ERBB4: variants seen among roughly 807,000 people sequenced by gnomAD.
The protein encoded by ERBB4 is erb-b2 receptor tyrosine kinase 4, also known as receptor tyrosine-protein kinase erbB-4.
A neutral mutation model predicts 158.0 loss-of-function variants in ERBB4; 42 were observed. That is an observed-to-expected ratio of 0.27 (90% CI 0.21 to 0.34). The LOEUF is 0.34. ERBB4 is among the 10% of genes least tolerant of loss of function. The pLI, the probability that ERBB4 is intolerant of heterozygous loss-of-function variation, is 1.00. For missense variants in ERBB4, 1,333 were observed against 1,624.1 expected (o/e 0.82, Z 3.08); for synonymous variants, 583 against 558.7 (o/e 1.04, Z -0.61).
At chr2:211,574,631 G>A (rs964591466) in intron 19 of ERBB4, among the ~76,000 whole-genome samples, 8 of 152,192 alleles carry the variant, frequency 5.3e-5, no homozygotes, top group Admixed American at 6.5e-5. Context: ...TTCTCATGAA[G>A]AGGATACTGT....
chr2:212,271,641 T>C (rs16848137), intron 1 of ERBB4, among the ~76,000 whole-genome samples: 40,346 of 151,776 alleles, frequency 0.27, 6,990 homozygotes, highest in African/African-American at 0.5. Context: ...ATTGTCAATG[T>C]ATCTTTCTTG....
intron 1 of ERBB4, 149 bp from the exon 2 acceptor site, chr2:212,125,052 A>C: frequency 2.4e-6 from 2 of 838,858 alleles, no homozygotes; most frequent in South Asian, 3.1e-5. Flanking sequence ...GCATAGACCC[A>C]CGCACTGATG....
At chr2:211,468,328 A>T (rs555088215) in intron 20 of ERBB4, among the ~76,000 whole-genome samples, 1 of 152,278 alleles carries the variant, frequency 6.6e-6, no homozygotes, top group Non-Finnish European at 1.5e-5. Flanking sequence ...ATGTTGTGTT[A>T]AGAGAAGATA....
intron 1 of ERBB4, among the ~76,000 whole-genome samples, chr2:212,191,578 T>C (rs1332580772): frequency 1.5e-5 from 1 of 68,386 alleles, no homozygotes; most frequent in African/African-American, 4.3e-5. Flanking sequence ...ACATGTGTTA[T>C]GCCTGTTATA....
intron 20 of ERBB4, among the ~76,000 whole-genome samples, chr2:211,557,484 G>A (rs187529361): frequency 7.0e-4 from 107 of 151,954 alleles, no homozygotes; most frequent in African/African-American, 2.2e-3. Flanking sequence ...AAAAGAAGTC[G>A]TACACGCAAC....
In ERBB4 at chr2:211,702,112, C is replaced by A; in HGVS notation, c.1344G>T (p.Gln448His). The change falls in exon 12 of 28, where the codon CAG (glutamine) becomes CAT (histidine). Residue 448 changes from glutamine (Q) to histidine (H), a missense_variant. Gln to His is a conservative substitution (Grantham distance 24, BLOSUM62 0). Around this residue, in one of 5 missense-constraint regions of ERBB4, gnomAD observed 438 missense variants for 586.9 expected, o/e 0.75. Coordinates refer to ENST00000342788, the MANE Select transcript of ERBB4 (RefSeq NM_005235.3). The part of the protein sequence containing the change: ...KQQGITSLQF[Q>H]SLKEISAGNI... ...TTCCTGCGCTGATTTCCTTCAGGGACTGGAACTGTAGAGAGGTGATGCCCT... is the reference window on the plus strand; with the variant it reads ...TTCCTGCGCTGATTTCCTTCAGGGAATGGAACTGTAGAGAGGTGATGCCCT... The A allele has an allele frequency of 6.2e-7, 1 of 1,614,062 alleles. No homozygotes were observed. The highest frequency in any genetic ancestry group is 8.5e-7 in the Non-Finnish European group (1 of 1,180,000).
intron 12 of ERBB4, among the ~76,000 whole-genome samples, chr2:211,691,242 T>C (rs2072803034): frequency 6.6e-6 from 1 of 152,174 alleles, no homozygotes; most frequent in Non-Finnish European, 1.5e-5. Flanking sequence ...ATTACTTACA[T>C]GCTACTTATC....
At chr2:212,051,489 T>G (rs183060464) in intron 2 of ERBB4, among the ~76,000 whole-genome samples, 23 of 152,270 alleles carry the variant, frequency 1.5e-4, no homozygotes, top group African/African-American at 5.3e-4. Flanking sequence ...TTTAGCAATT[T>G]TCATAATATA....
At chr2:212,341,812 A>T (rs1323415970) in intron 1 of ERBB4, among the ~76,000 whole-genome samples, 1 of 152,232 alleles carries the variant, frequency 6.6e-6, no homozygotes, top group African/African-American at 2.4e-5. Context: ...TCAAAGGACC[A>T]ACATAGAGCT....
At chr2:212,526,638 T>C (rs1409958550) in intron 1 of ERBB4, among the ~76,000 whole-genome samples, 5 of 152,024 alleles carry the variant, frequency 3.3e-5, no homozygotes, top group Non-Finnish European at 2.9e-5. Flanking sequence ...CTTTTTATTG[T>C]TTCTTAAATT....
intron 1 of ERBB4, among the ~76,000 whole-genome samples, chr2:212,460,272 T>C (rs1688505516): frequency 6.6e-6 from 1 of 152,100 alleles, no homozygotes; most frequent in Admixed American, 6.6e-5. Flanking sequence ...ATACAGCAAA[T>C]TGGTACCAGT....
chr2:212,076,630 T>C (rs1179504370), intron 2 of ERBB4, among the ~76,000 whole-genome samples: 1 of 151,944 alleles, frequency 6.6e-6, no homozygotes, highest in African/African-American at 2.4e-5. Flanking sequence ...AGAAACCACA[T>C]TCTTTGCAAG....
chr2:211,757,814 G>A (rs936444144), intron 4 of ERBB4, among the ~76,000 whole-genome samples: 6 of 152,150 alleles, frequency 3.9e-5, no homozygotes, highest in Non-Finnish European at 7.4e-5. Context: ...GAGGCCTTCT[G>A]GAAACATAGA....
intron 1 of ERBB4, among the ~76,000 whole-genome samples, chr2:212,163,160 T>G (rs186570245): frequency 6.2e-4 from 94 of 152,092 alleles, no homozygotes; most frequent in African/African-American, 2.2e-3. Flanking sequence ...TCCATCAAAT[T>G]TAATATCAAT....
At chr2:211,755,663 C>T (rs140674700) in intron 4 of ERBB4, among the ~76,000 whole-genome samples, 5 of 152,262 alleles carry the variant, frequency 3.3e-5, no homozygotes, top group East Asian at 3.9e-4. Context: ...GCTTGTCCAG[C>T]GGATGTTACT....
At chr2:211,984,427 C>T (rs1252970891) in intron 2 of ERBB4, among the ~76,000 whole-genome samples, 2 of 152,074 alleles carry the variant, frequency 1.3e-5, no homozygotes, top group South Asian at 2.1e-4. Context: ...GCATAATTTA[C>T]AGTATTATAA....
intron 1 of ERBB4, among the ~76,000 whole-genome samples, chr2:212,403,728 G>A (rs73060400): frequency 0.031 from 4,709 of 152,058 alleles, 239 homozygotes; most frequent in African/African-American, 0.11. Flanking sequence ...GGGACTAGGG[G>A]CTTGGGGAAA....
At chr2:212,189,769 A>G (rs548038811) in intron 1 of ERBB4, among the ~76,000 whole-genome samples, 2 of 152,320 alleles carry the variant, frequency 1.3e-5, no homozygotes, top group South Asian at 4.1e-4. Context: ...TAAGATTCAT[A>G]TCGCTTTGTT....
At chr2:212,447,535 C>T (rs185663913) in intron 1 of ERBB4, among the ~76,000 whole-genome samples, 75 of 152,172 alleles carry the variant, frequency 4.9e-4, no homozygotes, top group Admixed American at 2.0e-3. Flanking sequence ...CTTAGGTATC[C>T]TTAAAAGTTA....
Sources: allele counts gnomAD v4.1 joint callset (sites outside exome capture counted in the v4.1 genomes callset), GRCh38; gene constraint gnomAD v4.1.1; regional missense constraint gnomAD v4.1.1; transcripts MANE v1.5; gene names NCBI Gene and HGNC (gene_info 2026-07-23, HGNC 2026-07-21).